APOH: variants seen among roughly 807,000 people sequenced by gnomAD.
APOH encodes apolipoprotein H, also known as beta-2-glycoprotein 1.
Under a neutral mutation model 39.8 loss-of-function variants are expected in APOH, and 48 were observed. The ratio of observed to expected loss-of-function variants is 1.21; its 90% confidence interval spans 0.96 to 1.54. The LOEUF (loss-of-function observed/expected upper bound fraction) is 1.54. APOH is among the 40% of genes most tolerant of loss of function. The pLI, the probability that APOH is intolerant of heterozygous loss-of-function variation, is 0.00. For synonymous variants in APOH, 153 were observed against 151.1 expected, an observed-to-expected ratio of 1.01 and a Z score of -0.09; for missense variants, 415 against 421.2, an observed-to-expected ratio of 0.99 and a Z score of 0.13.
intron 4 of APOH, among the ~76,000 whole-genome samples, chr17:66,221,158 A>C (rs1031815350): frequency 1.3e-5 from 2 of 151,522 alleles, no homozygotes; most frequent in African/African-American, 4.9e-5. Context: ...GCACCACTGC[A>C]CTCCAGCCTG....
chr17:66,218,631 T>C (rs998872626), intron 5 of APOH, among the ~76,000 whole-genome samples: 6 of 152,120 alleles, frequency 3.9e-5, no homozygotes, highest in African/African-American at 1.4e-4. Context: ...AAATAACCAA[T>C]CAAGTTCAGA....
In APOH at chr17:66,212,200, GA is replaced by G. The variant is rs2073340279; in HGVS notation, c.983-13del. ...CAGAGAACTGTGTTCTGTTGGGGGA[GA>G]AAAAGATAAACATTCTAAGAGAAAC... On this transcript the variant is annotated splice_polypyrimidine_tract_variant and intron_variant, in intron 7 of 7. Transcript: ENST00000205948. The G allele has an allele frequency of 1.9e-6, 3 of 1,609,786 alleles. No individual in the cohort carries two copies. The highest frequency in any genetic ancestry group is 2.5e-6 in the Non-Finnish European group (3 of 1,176,942).
Position 66,216,186 on chromosome 17 carries a change from C to T in APOH, c.784+602G>A, listed in dbSNP as rs144095690. ...CATCTCAAAAAAAAAAAAAAAGACT[C>T]CATGTGTCTACAATAATACTAAAAA... On this transcript the variant is annotated intron_variant, in intron 6 of 7. Coordinates refer to ENST00000205948, the MANE Select transcript of APOH (RefSeq NM_000042.3). Among the ~76,000 whole-genome samples, 995 of 150,122 alleles carry T rather than the reference C, an allele frequency of 6.6e-3. 13 individuals carry two copies. Among genetic ancestry groups the T allele is most frequent in the African/African-American group, 0.023 (956 of 40,804 alleles).
chr17:66,220,389 G>A (rs938552182), intron 5 of APOH, among the ~76,000 whole-genome samples, 165 bp downstream of exon 5: 9 of 152,132 alleles, frequency 5.9e-5, no homozygotes, highest in Admixed American at 3.3e-4. Flanking sequence ...CTCATTCATC[G>A]GGAATCCACA....
intron 1 of APOH, 62 bp from the exon 2 acceptor site, chr17:66,228,258 AGCCC>A: frequency 6.4e-7 from 1 of 1,551,292 alleles, no homozygotes; most frequent in South Asian, 1.2e-5. Context: ...AGTTCAGCTA[AGCCC>A]ACAAATGAAA....
At chr17:66,222,115 C>T (rs900630434) in intron 4 of APOH, among the ~76,000 whole-genome samples, 2 of 152,126 alleles carry the variant, frequency 1.3e-5, no homozygotes, top group African/African-American at 2.4e-5. Context: ...GGCTAGGCAC[C>T]GTGGTTCACG....
At chr17:66,215,177 T>C (rs1271891258) in intron 6 of APOH, among the ~76,000 whole-genome samples, 3 of 152,152 alleles carry the variant, frequency 2.0e-5, no homozygotes, top group Non-Finnish European at 2.9e-5. Flanking sequence ...TGAGGGAATA[T>C]AAAAAGCAGG....
intron 5 of APOH, among the ~76,000 whole-genome samples, chr17:66,217,344 A>ACC (rs35673901): frequency 0.13 from 16,640 of 125,508 alleles, 1,564 homozygotes; most frequent in Non-Finnish European, 0.2. Flanking sequence ...CAAAGACTGA[A>ACC]CCCCCCCCCC....
chr17:66,220,710 A>G lies in APOH; in HGVS notation c.448T>C (p.Phe150Leu), dbSNP rs766931632. 6.2e-7 allele frequency: 1 copy of G among 1,613,892 alleles called. No individual in the cohort carries two copies. Among genetic ancestry groups the G allele is most frequent in the Non-Finnish European group, 8.5e-7 (1 of 1,179,914 alleles). Reference sequence around the variant, plus strand: ...GGCTTATAAACACGAAGTGTTGCAAACGTAGGTATGGATGGTGGAGGGCAG... The same window carrying G: ...GGCTTATAAACACGAAGTGTTGCAAGCGTAGGTATGGATGGTGGAGGGCAG... ...IICPPPSIPT[F>L]ATLRVYKPSA... The change falls in exon 5 of 8, where the codon TTT (phenylalanine) becomes CTT (leucine). Residue 150 changes from phenylalanine (F) to leucine (L), a missense_variant. Physicochemically the swap from Phe to Leu is conservative, Grantham distance 22 (BLOSUM62 0). Around this residue, in one of 3 missense-constraint regions of APOH, gnomAD observed 288 missense variants for 284.9 expected, o/e 1.01. Coordinates refer to ENST00000205948, the MANE Select transcript of APOH (RefSeq NM_000042.3).
intron 4 of APOH, among the ~76,000 whole-genome samples, chr17:66,222,416 A>T (rs2073407809): frequency 6.6e-6 from 1 of 152,100 alleles, no homozygotes; most frequent in African/African-American, 2.4e-5. Flanking sequence ...TAATCGGTAT[A>T]AATCTGTTTT....
intron 1 of APOH, among the ~76,000 whole-genome samples, chr17:66,228,437 G>A (rs1376299245): frequency 6.6e-6 from 1 of 152,116 alleles, no homozygotes; most frequent in Non-Finnish European, 1.5e-5. Flanking sequence ...GTATCTTACA[G>A]AGGAGCTTTA....
chr17:66,214,318 CA>C, intron 7 of APOH, 134 bp downstream of exon 7: 1 of 819,080 alleles, frequency 1.2e-6, no homozygotes, highest in South Asian at 1.6e-5. Flanking sequence ...CTCAGCCTCC[CA>C]AAGTGCTGGG....
chr17:66,222,566 G>C (rs1306924405), intron 4 of APOH, among the ~76,000 whole-genome samples: 1 of 112,106 alleles, frequency 8.9e-6, no homozygotes, highest in Non-Finnish European at 1.8e-5. Context: ...CTTTCCACTT[G>C]CTTTTTTTTT....
chr17:66,214,679 C>T (rs760084035), intron 6 of APOH, 29 bp from the exon 7 acceptor site: 2 of 1,571,620 alleles, frequency 1.3e-6, no homozygotes, highest in Admixed American at 3.4e-5. Flanking sequence ...GTAATCAGGA[C>T]TTAAGAGTTC....
At position 66,228,045 on chromosome 17, in the gene APOH, C is replaced by CCA; in HGVS notation, c.214_215dup (p.Trp72CysfsTer7). The CCA allele has an allele frequency of 6.2e-6, 10 of 1,614,004 alleles. No individual in the cohort carries two copies. Among genetic ancestry groups the CCA allele is most frequent in the Non-Finnish European group, 8.5e-6 (10 of 1,179,936 alleles). On this transcript the variant is annotated frameshift_variant, in exon 2 of 8. Transcript: ENST00000205948. LOFTEE classifies it high-confidence loss of function. ...GTGTACATTTCAGAGTGTTGATGGG[C>CCA]CACAGTCCTGTGAGAGGGCAGATAA...
At chr17:66,227,927 C>T (rs922183850) in intron 2 of APOH, 93 bp downstream of exon 2, 13 of 1,383,182 alleles carry the variant, frequency 9.4e-6, no homozygotes, top group Admixed American at 2.0e-5. Context: ...TCTACTGGCC[C>T]TCTGCACTCT....
At chr17:66,215,137 G>A (rs2146991186) in intron 6 of APOH, among the ~76,000 whole-genome samples, 1 of 152,158 alleles carries the variant, frequency 6.6e-6, no homozygotes, top group East Asian at 1.9e-4. Context: ...GGTCAGGGAA[G>A]GGAGCAGCTC....
chr17:66,221,377 G>A (rs1040179693), intron 4 of APOH, among the ~76,000 whole-genome samples: 2 of 34,030 alleles, frequency 5.9e-5, no homozygotes, highest in Non-Finnish European at 4.7e-5. Flanking sequence ...GGAGGGGAGG[G>A]AGGGAGGAAG....
In APOH at chr17:66,216,891, CT is replaced by C; in HGVS notation, c.680del (p.Lys227ArgfsTer20). 1 of 1,613,180 alleles carries C rather than the reference CT, an allele frequency of 6.2e-7. No homozygotes were observed. The highest frequency in any genetic ancestry group is 8.5e-7 in the Non-Finnish European group (1 of 1,179,634). On this transcript the variant is annotated frameshift_variant, in exon 6 of 8. Coordinates refer to ENST00000205948, the MANE Select transcript of APOH (RefSeq NM_000042.3). LOFTEE classifies it high-confidence loss of function. ...NYPAKPTLYY[K>X]DKATFGCHDG... ...CATGGCAGCCAAATGTGGCTTTATC[CT>C]TGTAATAAAGTGTTGGTTTTGCAGG... is the stretch of plus-strand genomic sequence containing the variant.
Sources: gnomAD v4.1 joint callset for allele counts (sites outside exome capture counted in the v4.1 genomes callset) on GRCh38, gnomAD v4.1.1 for gene constraint, gnomAD v4.1.1 regional missense constraint, MANE v1.5 for transcripts, NCBI Gene and HGNC (gene_info 2026-07-23, HGNC 2026-07-21) for gene names.